Variants in THSD4 observed in about 807,000 individuals in gnomAD.
THSD4 encodes the protein thrombospondin type-1 domain-containing protein 4.
A neutral mutation model predicts 119.0 loss-of-function variants in THSD4; 69 were observed. The observed-to-expected ratio is 0.58, with a 90% CI of 0.48 to 0.71. THSD4 has a LOEUF of 0.71. Among genes scored for constraint, THSD4 ranks in the 30% least tolerant of loss-of-function variants. THSD4 has a pLI of 0.00. For synonymous variants in THSD4, 524 were observed against 540.4 expected (o/e 0.97, Z 0.42); for missense variants, 1,393 against 1,391.1 (o/e 1.00, Z -0.02).
intron 7 of THSD4, among the ~76,000 whole-genome samples, chr15:71,622,917 A>G (rs1245889129): frequency 3.3e-5 from 5 of 152,150 alleles, no homozygotes; most frequent in African/African-American, 9.7e-5. Context: ...TGAGCTGGGC[A>G]GGATTTGGAT....
intron 7 of THSD4, among the ~76,000 whole-genome samples, chr15:71,612,649 G>A (rs2050251403): frequency 6.6e-6 from 1 of 152,170 alleles, no homozygotes; most frequent in Non-Finnish European, 1.5e-5. Context: ...GGAATGGGAG[G>A]CCATTCAACT....
At chr15:71,546,254 T>G (rs914692206) in intron 7 of THSD4, among the ~76,000 whole-genome samples, 5 of 152,118 alleles carry the variant, frequency 3.3e-5, no homozygotes, top group African/African-American at 1.2e-4. Flanking sequence ...GTGTTTCCAC[T>G]GCACCGTGCA....
chr15:71,174,054 G>T (rs1217974412), intron 3 of THSD4, among the ~76,000 whole-genome samples: 1 of 152,130 alleles, frequency 6.6e-6, no homozygotes, highest in Non-Finnish European at 1.5e-5. Flanking sequence ...TGACACCAAA[G>T]GCACCAGGAA....
chr15:71,525,799 T>C (rs2140798854), intron 7 of THSD4, among the ~76,000 whole-genome samples: 1 of 152,258 alleles, frequency 6.6e-6, no homozygotes, highest in Admixed American at 6.5e-5. Context: ...ACAAGTGCAA[T>C]AGAAAATCAT....
At chr15:71,475,199 C>A (rs1464503300) in intron 7 of THSD4, among the ~76,000 whole-genome samples, 1 of 152,214 alleles carries the variant, frequency 6.6e-6, no homozygotes, top group Non-Finnish European at 1.5e-5. Flanking sequence ...AATGTGCCAT[C>A]TGTCTCCTCT....
At chr15:71,361,514 G>A (rs766199382) in intron 6 of THSD4, among the ~76,000 whole-genome samples, 19 of 152,170 alleles carry the variant, frequency 1.2e-4, no homozygotes, top group African/African-American at 4.8e-5. Flanking sequence ...ACCTGTGATC[G>A]TTGAAGATAT....
chr15:71,276,641 C>G (rs898528366), intron 6 of THSD4, among the ~76,000 whole-genome samples: 1 of 152,048 alleles, frequency 6.6e-6, no homozygotes, highest in Non-Finnish European at 1.5e-5. Context: ...GCTAGTTGCT[C>G]GAAAATTTGA....
intron 3 of THSD4, among the ~76,000 whole-genome samples, chr15:71,172,711 ATATATATATAT>A (rs2043390483): frequency 1.7e-5 from 2 of 114,584 alleles, no homozygotes; most frequent in Non-Finnish European, 3.5e-5. Flanking sequence ...ATATATATAT[ATATATATATAT>A]ATATATATAT....
At chr15:71,278,179 G>T (rs1194279125) in intron 6 of THSD4, among the ~76,000 whole-genome samples, 2 of 152,134 alleles carry the variant, frequency 1.3e-5, no homozygotes. Context: ...GAAGCCAACA[G>T]AATTTTTGTT....
chr15:71,317,844 T>C (rs1410867804), intron 6 of THSD4, among the ~76,000 whole-genome samples: 3 of 152,206 alleles, frequency 2.0e-5, no homozygotes, highest in Admixed American at 6.5e-5. Context: ...CATGGAGAAA[T>C]TCATAATACC....
chr15:71,410,027 C>G (rs1156814545), intron 6 of THSD4, among the ~76,000 whole-genome samples: 1 of 151,920 alleles, frequency 6.6e-6, no homozygotes, highest in Non-Finnish European at 1.5e-5. Flanking sequence ...TTCCTTGTAG[C>G]AGTAATTAAT....
intron 3 of THSD4, among the ~76,000 whole-genome samples, chr15:71,213,910 A>G (rs763909862): frequency 3.5e-4 from 53 of 152,236 alleles, no homozygotes; most frequent in Non-Finnish European, 6.8e-4. Context: ...TTTAAAGCAC[A>G]GTGAGCCTCA....
intron 3 of THSD4, among the ~76,000 whole-genome samples, chr15:71,193,278 A>G (rs1345489028): frequency 6.6e-6 from 1 of 152,182 alleles, no homozygotes; most frequent in Non-Finnish European, 1.5e-5. Flanking sequence ...TGACTGGCAC[A>G]GCTTGGTGAT....
intron 8 of THSD4, among the ~76,000 whole-genome samples, chr15:71,662,052 G>A (rs2051319955): frequency 6.6e-6 from 1 of 152,190 alleles, no homozygotes; most frequent in South Asian, 2.1e-4. Flanking sequence ...CCTGTCAAGA[G>A]ATGATACCCA....
At chr15:71,473,613 A>G (rs1722639586) in intron 7 of THSD4, among the ~76,000 whole-genome samples, 1 of 152,070 alleles carries the variant, frequency 6.6e-6, no homozygotes, top group Non-Finnish European at 1.5e-5. Flanking sequence ...GGTGCCCCCA[A>G]TCCTATACAG....
At chr15:71,351,378 C>G (rs547281989) in intron 6 of THSD4, among the ~76,000 whole-genome samples, 19 of 152,232 alleles carry the variant, frequency 1.2e-4, no homozygotes, top group Non-Finnish European at 2.4e-4. Flanking sequence ...AGAAAAATCC[C>G]TTCTTTAGGG....
At chr15:71,628,739 A>G (rs1266098424) in intron 7 of THSD4, among the ~76,000 whole-genome samples, 2 of 152,188 alleles carry the variant, frequency 1.3e-5, no homozygotes, top group African/African-American at 4.8e-5. Context: ...AGAGTCTTTG[A>G]TTACAGATGA....
Position 71,731,014 on chromosome 15 carries a change from G to C in THSD4, c.1534-107G>C. 3.0e-6 allele frequency: 3 copies of C among 992,770 alleles called. No individual in the cohort carries two copies. In the South Asian group the frequency reaches 4.2e-5, roughly 14 times the overall value. The allele number at this position is 992,770 out of a possible 1,614,324, so 61.5% of individuals were successfully genotyped here. The stretch of plus-strand genomic sequence containing the variant: ...CACTGATATTACTGGATGCGTACTA[G>C]AGTGAACCAACCCAGTCATTTCTCA... On this transcript the variant is annotated intron_variant, in intron 9 of 17. Coordinates refer to ENST00000261862, the MANE Select transcript of THSD4 (RefSeq NM_024817.3).
intron 3 of THSD4, among the ~76,000 whole-genome samples, chr15:71,196,707 G>A (rs1420409990): frequency 6.6e-6 from 1 of 152,114 alleles, no homozygotes; most frequent in Non-Finnish European, 1.5e-5. Flanking sequence ...CATATTCTCT[G>A]GCTTACATTC....
Sources: allele counts gnomAD v4.1 joint callset (sites outside exome capture counted in the v4.1 genomes callset), GRCh38; gene constraint gnomAD v4.1.1; transcripts MANE v1.5; gene names NCBI Gene and HGNC (gene_info 2026-07-23, HGNC 2026-07-21).